The following ERBB4 variants were observed in gnomAD, a reference collection of about 807,000 sequenced individuals.
ERBB4 encodes receptor tyrosine-protein kinase erbB-4.
Under a neutral mutation model 158.0 loss-of-function variants are expected in ERBB4, and 42 were observed. The ratio of observed to expected loss-of-function variants is 0.27; its 90% CI spans 0.21 to 0.34. The LOEUF is 0.34. Ranked by LOEUF, ERBB4 falls within the 10% of genes least tolerant of loss-of-function variation. The probability of loss-of-function intolerance (pLI) is 1.00; values close to 1 mark genes in which losing one functional copy is unlikely to be tolerated. For synonymous variants in ERBB4, 583 were observed against 558.7 expected (o/e 1.04, Z -0.61); for missense variants, 1,333 against 1,624.1 (o/e 0.82, Z 3.08).
intron 1 of ERBB4, among the ~76,000 whole-genome samples, chr2:212,258,162 A>G (rs1220419768): frequency 6.6e-6 from 1 of 152,154 alleles, no homozygotes; most frequent in Non-Finnish European, 1.5e-5. Context: ...TAAAAATTAG[A>G]TTTTTAAAAA....
chr2:211,807,686 A>G (rs1226238609), intron 3 of ERBB4, among the ~76,000 whole-genome samples: 1 of 152,128 alleles, frequency 6.6e-6, no homozygotes, highest in Non-Finnish European at 1.5e-5. Context: ...GTCAAATGGT[A>G]TTTCTATTTC....
intron 12 of ERBB4, among the ~76,000 whole-genome samples, chr2:211,699,468 A>G (rs938939825): frequency 2.6e-5 from 4 of 152,194 alleles, no homozygotes; most frequent in Non-Finnish European, 5.9e-5. Flanking sequence ...GGTCAAGTTT[A>G]CAGGGTAATT....
intron 20 of ERBB4, among the ~76,000 whole-genome samples, chr2:211,531,357 C>A (rs1229204729): frequency 6.6e-6 from 1 of 151,732 alleles, no homozygotes; most frequent in Non-Finnish European, 1.5e-5. Context: ...GCAAAGGGAA[C>A]AATCAATAAA....
At chr2:211,572,474 G>A (rs753989188) in intron 19 of ERBB4, among the ~76,000 whole-genome samples, 2 of 152,028 alleles carry the variant, frequency 1.3e-5, no homozygotes, top group Admixed American at 6.6e-5. Flanking sequence ...TGATGACAAC[G>A]GGCTACGACG....
chr2:212,099,439 C>A (rs1449232346), intron 2 of ERBB4, among the ~76,000 whole-genome samples: 1 of 152,046 alleles, frequency 6.6e-6, no homozygotes, highest in African/African-American at 2.4e-5. Flanking sequence ...AACTATCCTC[C>A]ATTTACAACA....
At chr2:212,294,490 C>T (rs908095594) in intron 1 of ERBB4, among the ~76,000 whole-genome samples, 3 of 151,832 alleles carry the variant, frequency 2.0e-5, no homozygotes, top group African/African-American at 7.3e-5. Context: ...AGTAATTATA[C>T]TGAAATTATA....
intron 2 of ERBB4, among the ~76,000 whole-genome samples, chr2:212,027,105 A>G (rs1230217139): frequency 6.6e-6 from 1 of 151,930 alleles, no homozygotes; most frequent in African/African-American, 2.4e-5. Flanking sequence ...ATGTCCAGTT[A>G]CTCATCCATA....
At chr2:211,489,936 G>A (rs959451390) in intron 20 of ERBB4, among the ~76,000 whole-genome samples, 5 of 152,004 alleles carry the variant, frequency 3.3e-5, no homozygotes, top group African/African-American at 9.7e-5. Flanking sequence ...GAAAATAGAA[G>A]CTATCTGGCT....
At chr2:212,110,100 C>G (rs1212366540) in intron 2 of ERBB4, among the ~76,000 whole-genome samples, 2 of 152,042 alleles carry the variant, frequency 1.3e-5, no homozygotes, top group East Asian at 3.9e-4. Context: ...TTAAAAAGAC[C>G]AATTGTGCAT....
At chr2:212,481,433 A>C (rs1389795438) in intron 1 of ERBB4, among the ~76,000 whole-genome samples, 1 of 152,146 alleles carries the variant, frequency 6.6e-6, no homozygotes, top group East Asian at 1.9e-4. Flanking sequence ...GTACTTTTTA[A>C]TCCTAGCATA....
At chr2:211,969,047 A>C (rs16847372) in intron 2 of ERBB4, among the ~76,000 whole-genome samples, 3,114 of 152,108 alleles carry the variant, frequency 0.02, 113 homozygotes, top group African/African-American at 0.071. Flanking sequence ...AAGCATTAAA[A>C]ACCACAGGAC....
chr2:211,832,600 GTGTGTGTGTATATATATA>G, intron 3 of ERBB4, among the ~76,000 whole-genome samples: 1 of 149,898 alleles, frequency 6.7e-6, no homozygotes, highest in Non-Finnish European at 1.5e-5. Context: ...ACACATAAAC[GTGTGTGTGTATATATATA>G]TACATATATA....
chr2:212,508,832 T>A (rs892191201), intron 1 of ERBB4, among the ~76,000 whole-genome samples: 1 of 152,076 alleles, frequency 6.6e-6, no homozygotes, highest in Admixed American at 6.6e-5. Flanking sequence ...AATGAGTATA[T>A]TTTTGACATT....
chr2:212,064,754 T>C (rs2077887098), intron 2 of ERBB4, among the ~76,000 whole-genome samples: 1 of 151,914 alleles, frequency 6.6e-6, no homozygotes, highest in African/African-American at 2.4e-5. Context: ...AGGATTTGAG[T>C]ACAAAGCGAT....
intron 2 of ERBB4, among the ~76,000 whole-genome samples, chr2:212,036,715 C>T (rs531783443): frequency 6.6e-6 from 1 of 152,256 alleles, no homozygotes; most frequent in South Asian, 2.1e-4. Context: ...CCTCCCGCCT[C>T]GGCCTGACAA....
chr2:212,137,904 A>G (rs939239586), intron 1 of ERBB4, among the ~76,000 whole-genome samples: 1 of 152,202 alleles, frequency 6.6e-6, no homozygotes, highest in South Asian at 2.1e-4. Flanking sequence ...AGCCACCACT[A>G]GAGAAATATC....
intron 3 of ERBB4, among the ~76,000 whole-genome samples, chr2:211,806,608 G>A (rs1017554059): frequency 6.6e-6 from 1 of 152,024 alleles, no homozygotes; most frequent in Non-Finnish European, 1.5e-5. Context: ...AAAATAATAC[G>A]GATTGGTGAC....
At position 211,379,981 on chromosome 2, in the gene ERBB4, A is replaced by G. The variant is rs1574496155; in HGVS notation, c.*3634T>C. 2 of 232,078 alleles carry G rather than the reference A, an allele frequency of 8.6e-6. No individual in the cohort carries two copies. The highest frequency in any genetic ancestry group is 6.1e-5 in the East Asian group (1 of 16,416). The allele number at this position is 232,078 out of a possible 1,614,324, so 14.4% of individuals were successfully genotyped here. On this transcript the variant is annotated 3_prime_UTR_variant, in exon 28 of 28. Transcript: ENST00000342788. ...TTCCTTAGCATTGTAAGTATGCACA[A>G]TCTTCATGCCATGTCTTTCCTTTAG... is the stretch of plus-strand genomic sequence containing the variant.
At chr2:211,851,641 T>C (rs2077724320) in intron 3 of ERBB4, among the ~76,000 whole-genome samples, 1 of 151,932 alleles carries the variant, frequency 6.6e-6, no homozygotes, top group Admixed American at 6.6e-5. Flanking sequence ...AAATAATCAT[T>C]GTTATAAGGA....
Sources: gnomAD v4.1 joint callset for allele counts (sites outside exome capture counted in the v4.1 genomes callset) on GRCh38, gnomAD v4.1.1 for gene constraint, MANE v1.5 for transcripts, NCBI Gene and HGNC (gene_info 2026-07-23, HGNC 2026-07-21) for gene names.